The following GALNT14 variants were observed in gnomAD, a reference collection of about 807,000 sequenced individuals.
The protein encoded by GALNT14 is UDP-GalNAc:polypeptide N-acetylgalactosaminyltransferase 14.
In GALNT14, 60 loss-of-function variants were observed where a neutral mutation model predicts 77.5. That is an observed-to-expected ratio of 0.77 (90% confidence interval 0.63 to 0.96). The LOEUF (loss-of-function observed/expected upper bound fraction) is 0.96, where lower values mean the gene tolerates loss of function less well. Ranked by LOEUF, GALNT14 falls within the 40% of genes least tolerant of loss-of-function variation. The pLI, the probability that GALNT14 is intolerant of heterozygous loss-of-function variation, is 0.00. For missense variants in GALNT14, 710 were observed against 731.0 expected (o/e 0.97, Z 0.33); for synonymous variants, 280 against 281.7 (o/e 0.99, Z 0.06).
intron 1 of GALNT14, among the ~76,000 whole-genome samples, chr2:31,085,355 G>A (rs1558559020): frequency 1.3e-5 from 2 of 152,350 alleles, no homozygotes; most frequent in East Asian, 3.9e-4. Context: ...GAGAGAGGGA[G>A]GGGCTCGTGC....
At chr2:31,080,756 T>C (rs1015184484) in intron 1 of GALNT14, among the ~76,000 whole-genome samples, 5 of 152,216 alleles carry the variant, frequency 3.3e-5, no homozygotes, top group African/African-American at 1.2e-4. Context: ...CTGGGTTCTA[T>C]TAAACCCTAA....
intron 3 of GALNT14, among the ~76,000 whole-genome samples, chr2:30,965,542 A>T (rs188258048): frequency 6.6e-6 from 1 of 152,110 alleles, no homozygotes; most frequent in East Asian, 1.9e-4. Flanking sequence ...GTGCAGGTCT[A>T]TGTTCTGAGG....
intron 8 of GALNT14, 21 bp from the exon 9 acceptor site, chr2:30,942,325 G>A: frequency 6.3e-7 from 1 of 1,579,160 alleles, no homozygotes; most frequent in Non-Finnish European, 8.7e-7. Context: ...GGAAGAAAAA[G>A]AGAGGGGATC....
At chr2:30,982,853 G>A (rs1669070586) in intron 2 of GALNT14, among the ~76,000 whole-genome samples, 1 of 152,166 alleles carries the variant, frequency 6.6e-6, no homozygotes, top group African/African-American at 2.4e-5. Context: ...AGTTTCTGGT[G>A]TTGCGGCAGA....
chr2:30,912,608 T>C (rs1664436567), intron 13 of GALNT14, among the ~76,000 whole-genome samples: 1 of 152,206 alleles, frequency 6.6e-6, no homozygotes, highest in Non-Finnish European at 1.5e-5. Flanking sequence ...TGAACAATTC[T>C]GGGCTTTGGG....
At chr2:31,125,141 A>C in intron 1 of GALNT14, 4 of 1,539,462 alleles carry the variant, frequency 2.6e-6, no homozygotes, top group Non-Finnish European at 3.5e-6. Flanking sequence ...CTGGGGACAC[A>C]CAGTCAACCT....
chr2:30,909,763 A>G (rs1192522289), downstream of GALNT14, among the ~76,000 whole-genome samples: 1 of 152,110 alleles, frequency 6.6e-6, no homozygotes, highest in African/African-American at 2.4e-5. Flanking sequence ...ATGCACATGT[A>G]TGTTTATTGC....
chr2:30,918,288 G>C (rs1011609527), intron 13 of GALNT14, among the ~76,000 whole-genome samples: 1 of 152,218 alleles, frequency 6.6e-6, no homozygotes, highest in African/African-American at 2.4e-5. Context: ...ACCAGGGCTA[G>C]AATCCCCACA....
chr2:31,000,695 C>T lies in GALNT14; in HGVS notation c.130-7688G>A, dbSNP rs1478146444. 2.0e-5 allele frequency among the ~76,000 whole-genome samples: 3 copies of T among 152,244 alleles called. No individual in the cohort carries two copies. The East Asian group carries it at 5.8e-4, about 29-fold the overall frequency. ...AGACCTTCAACTGATCGGATGAGGC[C>T]TACGTACATTATGGAAGGCAGCCTG... On this transcript the variant is annotated intron_variant, in intron 1 of 14. Transcript: ENST00000349752.
At chr2:31,019,646 G>A (rs554626399) in intron 1 of GALNT14, among the ~76,000 whole-genome samples, 2 of 152,274 alleles carry the variant, frequency 1.3e-5, no homozygotes, top group East Asian at 3.9e-4. Flanking sequence ...AGTGGCTATC[G>A]CTGTCTTTCC....
At chr2:31,107,363 C>T (rs189280539) in intron 1 of GALNT14, among the ~76,000 whole-genome samples, 28 of 152,304 alleles carry the variant, frequency 1.8e-4, no homozygotes, top group Non-Finnish European at 3.4e-4. Context: ...CCTGAGCCCA[C>T]CAGGTACTCT....
chr2:31,039,008 T>C (rs1228865743), intron 1 of GALNT14, among the ~76,000 whole-genome samples: 1 of 152,184 alleles, frequency 6.6e-6, no homozygotes, highest in Non-Finnish European at 1.5e-5. Flanking sequence ...AGCCTTCCAG[T>C]GCTGGGATTG....
At chr2:31,113,012 C>A (rs1677918759) in intron 1 of GALNT14, among the ~76,000 whole-genome samples, 1 of 152,200 alleles carries the variant, frequency 6.6e-6, no homozygotes, top group African/African-American at 2.4e-5. Flanking sequence ...AAAATCCTTT[C>A]AAACTAACAC....
the GALNT14 span, among the ~76,000 whole-genome samples, chr2:30,903,172 T>C: frequency 3.3e-4 from 50 of 152,372 alleles, no homozygotes; most frequent in Admixed American, 3.0e-3. Flanking sequence ...TTTCCAAGTC[T>C]ATAGCAGTCT....
chr2:30,906,413 T>C (rs1664143925), downstream of GALNT14, among the ~76,000 whole-genome samples: 2 of 148,626 alleles, frequency 1.3e-5, no homozygotes, highest in South Asian at 4.4e-4. Flanking sequence ...GCAATCCTAG[T>C]CTCTGATAAA....
At chr2:31,094,158 A>G (rs895821632) in intron 1 of GALNT14, among the ~76,000 whole-genome samples, 1 of 152,226 alleles carries the variant, frequency 6.6e-6, no homozygotes, top group Non-Finnish European at 1.5e-5. Context: ...TAACAGATCA[A>G]TGTACTTTGT....
intron 1 of GALNT14, among the ~76,000 whole-genome samples, chr2:31,104,595 G>A (rs376811538): frequency 3.2e-4 from 48 of 152,240 alleles, no homozygotes; most frequent in African/African-American, 1.2e-3. Flanking sequence ...GTTGCATTTA[G>A]TTGTCATCTC....
chr2:31,042,487 G>A (rs1673161877), intron 1 of GALNT14, among the ~76,000 whole-genome samples: 1 of 152,116 alleles, frequency 6.6e-6, no homozygotes, highest in Non-Finnish European at 1.5e-5. Context: ...AGTCACCCTG[G>A]GATGGGAAGC....
At chr2:30,979,722 G>A (rs1002415429) in intron 2 of GALNT14, among the ~76,000 whole-genome samples, 1 of 152,164 alleles carries the variant, frequency 6.6e-6, no homozygotes, top group Non-Finnish European at 1.5e-5. Flanking sequence ...GCGGATTCCT[G>A]CTTCCATCAC....
Sources: gnomAD v4.1 joint callset for allele counts (sites outside exome capture counted in the v4.1 genomes callset) on GRCh38, gnomAD v4.1.1 for gene constraint, MANE v1.5 for transcripts, NCBI Gene and HGNC (gene_info 2026-07-23, HGNC 2026-07-21) for gene names.